RANBP17: variants seen among roughly 807,000 people sequenced by gnomAD.
RANBP17 encodes the protein ran-binding protein 17.
A neutral mutation model predicts 141.2 loss-of-function variants in RANBP17; 158 were observed. The ratio of observed to expected loss-of-function variants is 1.12; its 90% CI spans 0.98 to 1.28. RANBP17 has a LOEUF of 1.28. Among genes scored for constraint, RANBP17 ranks in the 50% most tolerant of loss-of-function variants. The pLI is 0.00. For missense variants in RANBP17, 1,438 were observed against 1,290.7 expected (o/e 1.11, Z -1.75); for synonymous variants, 430 against 450.0 (o/e 0.96, Z 0.56).
chr5:171,277,131 T>C (rs777189476), intron 25 of RANBP17, among the ~76,000 whole-genome samples: 2 of 152,036 alleles, frequency 1.3e-5, no homozygotes, highest in Non-Finnish European at 2.9e-5. Context: ...TCTGTGTCTT[T>C]ATGCTAACAT....
chr5:170,911,167 A>G (rs1466197247), intron 7 of RANBP17, 33 bp downstream of exon 7: 31 of 1,579,614 alleles, frequency 2.0e-5, no homozygotes, highest in Non-Finnish European at 2.5e-5. Context: ...AGGGTCATCA[A>G]CATAAAGGCA....
At position 171,265,426 on chromosome 5, in the gene RANBP17, AG is replaced by A. The variant is rs561616812; in HGVS notation, c.2777-253del. On this transcript the variant is annotated intron_variant, in intron 24 of 27. Transcript: ENST00000523189. Reference sequence around the variant, plus strand: ...GGCAGGCACCTGTTAGCTACTCAGGAGGCTGAAGCAGGAGAATCGCTTGAAC... The same window carrying A: ...GGCAGGCACCTGTTAGCTACTCAGGAGCTGAAGCAGGAGAATCGCTTGAAC... 9.2e-4 allele frequency among the ~76,000 whole-genome samples: 140 copies of A among 152,280 alleles called. 1 individual carries two copies. Among genetic ancestry groups the A allele is most frequent in the African/African-American group, 3.2e-3 (135 of 41,550 alleles).
intron 13 of RANBP17, among the ~76,000 whole-genome samples, chr5:170,961,904 A>G (rs1449760161): frequency 6.6e-6 from 1 of 152,106 alleles, no homozygotes; most frequent in Non-Finnish European, 1.5e-5. Context: ...TCTTGAGCAA[A>G]TGGCCACTCT....
At chr5:170,981,545 T>C (rs1383730475) in intron 14 of RANBP17, among the ~76,000 whole-genome samples, 1 of 151,950 alleles carries the variant, frequency 6.6e-6, no homozygotes, top group East Asian at 1.9e-4. Context: ...AGGGGGAGTT[T>C]TCCTGCACAG....
At chr5:171,185,536 C>T (rs1761177463) in intron 18 of RANBP17, among the ~76,000 whole-genome samples, 1 of 152,218 alleles carries the variant, frequency 6.6e-6, no homozygotes, top group African/African-American at 2.4e-5. Context: ...CAACAATGTT[C>T]ACAGCGTCTT....
chr5:171,235,310 T>G (rs1250050153), intron 22 of RANBP17, among the ~76,000 whole-genome samples: 3 of 150,024 alleles, frequency 2.0e-5, no homozygotes, highest in African/African-American at 7.3e-5. Context: ...CAAGAGAAGT[T>G]TTTGCATGTG....
Position 170,953,652 on chromosome 5 carries a change from A to G in RANBP17, c.1524A>G (p.Thr508=). The G allele has an allele frequency of 3.7e-6, 6 of 1,612,002 alleles. No homozygotes were observed. Among genetic ancestry groups the G allele is most frequent in the Non-Finnish European group, 5.1e-6 (6 of 1,178,254 alleles). The change falls in exon 13 of 28, where the codon ACA becomes ACG. Residue 508 remains threonine (T), a synonymous_variant. Transcript: ENST00000523189. ...GGACAGTTGTAGGAGGAAGATTAAC[A>G]TATACCAGTACAGATGAGCATGATG... ...LVGTVVGGRL[T]YTSTDEHDAM... is the part of the protein sequence containing the mutation.
intron 24 of RANBP17, among the ~76,000 whole-genome samples, chr5:171,250,636 A>G (rs796488030): frequency 5.9e-5 from 9 of 152,334 alleles, no homozygotes; most frequent in African/African-American, 2.2e-4. Context: ...GAAAGTAAAG[A>G]GAAGGAAAAA....
intron 14 of RANBP17, among the ~76,000 whole-genome samples, chr5:171,005,837 T>C (rs945464241): frequency 2.9e-4 from 44 of 152,098 alleles, no homozygotes; most frequent in African/African-American, 1.0e-3. Flanking sequence ...ATTTTTGCAA[T>C]CTACTCATCT....
intron 24 of RANBP17, among the ~76,000 whole-genome samples, chr5:171,243,782 A>G (rs1342588489): frequency 6.6e-6 from 1 of 152,146 alleles, no homozygotes; most frequent in Non-Finnish European, 1.5e-5. Flanking sequence ...TTCTATTAAT[A>G]CTGTATTTGG....
intron 12 of RANBP17, among the ~76,000 whole-genome samples, chr5:170,932,587 A>G (rs946232108): frequency 2.0e-5 from 3 of 152,112 alleles, no homozygotes; most frequent in African/African-American, 7.2e-5. Context: ...TGTCCCATCA[A>G]TACCTAGTTT....
chr5:171,075,994 A>T (rs545739816), intron 14 of RANBP17, among the ~76,000 whole-genome samples: 1 of 152,294 alleles, frequency 6.6e-6, no homozygotes, highest in African/African-American at 2.4e-5. Context: ...ATGGGGACTT[A>T]TATGGTATGT....
chr5:171,269,096 G>T (rs975168262), intron 25 of RANBP17, among the ~76,000 whole-genome samples: 1 of 152,122 alleles, frequency 6.6e-6, no homozygotes, highest in East Asian at 1.9e-4. Flanking sequence ...ATTAATGACT[G>T]GGCTCTGGTA....
At chr5:171,087,407 G>C in intron 14 of RANBP17, among the ~76,000 whole-genome samples, 1 of 152,116 alleles carries the variant, frequency 6.6e-6, no homozygotes, top group Non-Finnish European at 1.5e-5. Flanking sequence ...TTTGGAATAG[G>C]TGTGGTGTGG....
intron 24 of RANBP17, among the ~76,000 whole-genome samples, chr5:171,249,015 G>C (rs964257627): frequency 6.6e-6 from 1 of 152,118 alleles, no homozygotes; most frequent in South Asian, 2.1e-4. Context: ...ACTACCCTGG[G>C]GCACAAAGAC....
intron 21 of RANBP17, among the ~76,000 whole-genome samples, chr5:171,220,329 C>T (rs1292309071): frequency 2.0e-5 from 3 of 149,934 alleles, no homozygotes; most frequent in East Asian, 2.0e-4. Context: ...AGGTGCCTCC[C>T]GGTTAGGCTA....
At chr5:171,040,699 C>G (rs922544975) in intron 14 of RANBP17, among the ~76,000 whole-genome samples, 1 of 151,926 alleles carries the variant, frequency 6.6e-6, no homozygotes, top group Non-Finnish European at 1.5e-5. Flanking sequence ...GAAAAGAAGA[C>G]CTTAGGAGAA....
chr5:171,281,496 G>A lies in RANBP17; in HGVS notation c.2944-12387G>A, dbSNP rs539676573. On this transcript the variant is annotated intron_variant, in intron 25 of 27. Transcript: ENST00000523189. The stretch of plus-strand genomic sequence containing the variant: ...AGACTGGAAGGAAACAACTTGATGG[G>A]TGGGCAGTAGAAGATTAATAAATAC... Among the ~76,000 whole-genome samples the A allele has an allele frequency of 3.3e-5, 5 of 152,290 alleles. No homozygotes were observed. The East Asian group carries it at 7.7e-4, about 24-fold the overall frequency.
intron 1 of RANBP17, among the ~76,000 whole-genome samples, chr5:170,873,540 A>T (rs1288447054): frequency 6.6e-6 from 1 of 152,202 alleles, no homozygotes; most frequent in Non-Finnish European, 1.5e-5. Flanking sequence ...TGGTCTAATC[A>T]AGGATTCTAC....
Sources: allele counts gnomAD v4.1 joint callset (sites outside exome capture counted in the v4.1 genomes callset), GRCh38; gene constraint gnomAD v4.1.1; transcripts MANE v1.5; gene names NCBI Gene and HGNC (gene_info 2026-07-23, HGNC 2026-07-21).